The following DNMT3A variants were observed in gnomAD, a reference collection of about 807,000 sequenced individuals.
DNMT3A encodes DNA methyltransferase 3 alpha, also known as DNA (cytosine-5)-methyltransferase 3A.
Under a neutral mutation model 117.6 loss-of-function variants are expected in DNMT3A, and 267 were observed. That is an observed-to-expected ratio of 2.27 (90% confidence interval 2.05 to 2.51). The LOEUF (loss-of-function observed/expected upper bound fraction) is 2.51. Among genes scored for constraint, DNMT3A ranks in the 30% most tolerant of loss-of-function variants. The probability of loss-of-function intolerance (pLI) is 0.00; values close to 1 mark genes in which losing one functional copy is unlikely to be tolerated. For missense variants in DNMT3A, 1,029 were observed against 1,260.2 expected, an observed-to-expected ratio of 0.82 and a Z score of 2.78; for synonymous variants, 432 against 474.8, an observed-to-expected ratio of 0.91 and a Z score of 1.17.
At chr2:25,326,101 GATAT>G (rs1171930581) in intron 1 of DNMT3A, among the ~76,000 whole-genome samples, 21 of 110,314 alleles carry the variant, frequency 1.9e-4, no homozygotes, top group African/African-American at 8.0e-4. Flanking sequence ...CTATTAACTT[GATAT>G]ATATGTGTGT....
intron 6 of DNMT3A, among the ~76,000 whole-genome samples, chr2:25,256,603 A>T (rs2149336087): frequency 6.6e-6 from 1 of 152,322 alleles, no homozygotes; most frequent in South Asian, 2.1e-4. Flanking sequence ...GATGGCACTG[A>T]TTTTAAAACA....
Position 25,247,512 on chromosome 2 carries a change from C to A in DNMT3A, c.1014+79G>T. ...CCACTTCCATCACCCCAATTCCAGA[C>A]TGCCCCCAGCCAAAACCACAGGCCC... On this transcript the variant is annotated intron_variant, in intron 8 of 22. Transcript: ENST00000321117. The surrounding 1 kb of genome is among the most constrained non-coding windows in gnomAD (Gnocchi z 5.6). 1.3e-6 allele frequency: 2 copies of A among 1,566,286 alleles called. No individual in the cohort carries two copies. The highest frequency in any genetic ancestry group is 1.7e-6 in the Non-Finnish European group (2 of 1,154,000).
Position 25,339,081 on chromosome 2 carries a change from A to G in DNMT3A, c.-178+2745T>C, listed in dbSNP as rs761324814. On this transcript the variant is annotated intron_variant, in intron 1 of 22. Transcript: ENST00000321117. The surrounding 1 kb of genome is among the most constrained non-coding windows in gnomAD (Gnocchi z 4.9). ...CACTGCCTCTCCTTCCCAAGGCCCA[A>G]CTCGCTGGGCGCCCTGATCTCTCTC... Among the ~76,000 whole-genome samples the G allele has an allele frequency of 6.6e-6, 1 of 151,746 alleles. No individual in the cohort carries two copies. The highest frequency in any genetic ancestry group is 2.1e-4 in the South Asian group (1 of 4,802).
rs1009884955 is a variant in DNMT3A, at chr2:25,341,360, C to G, written c.-178+466G>C. On this transcript the variant is annotated intron_variant, in intron 1 of 22. Transcript: ENST00000321117. ...CCTTCTGGGTCGGGGTCCGCGCCCT[C>G]CGGCGCCCTGGCCGCGGGCTCCAGG... 1.5e-3 allele frequency among the ~76,000 whole-genome samples: 224 copies of G among 145,442 alleles called. 1 individual carries two copies. The highest frequency in any genetic ancestry group is 5.2e-3 in the African/African-American group (213 of 40,666).
rs895343194 is a variant in DNMT3A, at chr2:25,231,006, C to T, written c.*3273G>A. On this transcript the variant is annotated 3_prime_UTR_variant, in exon 23 of 23. Transcript: ENST00000321117. ...TCTCTTCCCAAGTCCCAACACCAACCCTTTGGTTGGAGCACCAGGCCCAGT... is the reference window on the plus strand; with the variant it reads ...TCTCTTCCCAAGTCCCAACACCAACTCTTTGGTTGGAGCACCAGGCCCAGT... 14 of 152,276 alleles carry T rather than the reference C, an allele frequency of 9.2e-5. No individual in the cohort carries two copies. The highest frequency in any genetic ancestry group is 3.1e-4 in the African/African-American group (13 of 41,466). 9.4% of individuals were successfully genotyped at this position (152,276 alleles called of 1,614,324 possible).
At chr2:25,243,678 A>G (rs906356782) in intron 16 of DNMT3A, among the ~76,000 whole-genome samples, 1 of 152,270 alleles carries the variant, frequency 6.6e-6, no homozygotes, top group African/African-American at 2.4e-5. Context: ...AGCGCCCAGC[A>G]GGCAGGCTGC....
At chr2:25,246,978 C>A in intron 9 of DNMT3A, 73 bp downstream of exon 9, 1 of 1,550,592 alleles carries the variant, frequency 6.4e-7, no homozygotes, top group Non-Finnish European at 8.8e-7. Flanking sequence ...TGCTCAAGCC[C>A]GACCTGCACT....
At chr2:25,245,669 T>TCAG (rs1355797751) in intron 12 of DNMT3A, among the ~76,000 whole-genome samples, 1 of 151,966 alleles carries the variant, frequency 6.6e-6, no homozygotes, top group East Asian at 1.9e-4. Context: ...AGGCCGAGGG[T>TCAG]CCTGAGCCAG....
chr2:25,326,118 G>GTGT (rs1442512433), intron 1 of DNMT3A, among the ~76,000 whole-genome samples: 1 of 140,780 alleles, frequency 7.1e-6, no homozygotes, highest in Non-Finnish European at 1.6e-5. Flanking sequence ...ATGTGTGTGT[G>GTGT]TGTGTGTGTG....
At chr2:25,315,480 C>G (rs1232537520) in intron 1 of DNMT3A, among the ~76,000 whole-genome samples, 1 of 152,178 alleles carries the variant, frequency 6.6e-6, no homozygotes, top group Non-Finnish European at 1.5e-5. Flanking sequence ...GCGTCCATTC[C>G]CCATACCCCT....
At chr2:25,248,673 G>A (rs944801055) in intron 6 of DNMT3A, among the ~76,000 whole-genome samples, 3 of 151,656 alleles carry the variant, frequency 2.0e-5, no homozygotes, top group Admixed American at 6.6e-5. Context: ...TCAGCCTCCC[G>A]AGTAGCTGGG....
chr2:25,242,579 G>A (rs932286014), intron 16 of DNMT3A, among the ~76,000 whole-genome samples: 1 of 152,212 alleles, frequency 6.6e-6, no homozygotes, highest in Non-Finnish European at 1.5e-5. Flanking sequence ...ATGGAGCTGA[G>A]AACAGAAGAC....
chr2:25,261,122 C>T (rs931413057), intron 6 of DNMT3A, among the ~76,000 whole-genome samples: 1 of 152,054 alleles, frequency 6.6e-6, no homozygotes, highest in Non-Finnish European at 1.5e-5. Context: ...GGTGAAAACC[C>T]ATCTCTACTA....
chr2:25,245,342 A>T lies in DNMT3A; in HGVS notation c.1475-10T>A. 6.2e-7 allele frequency: 1 copy of T among 1,613,328 alleles called. No homozygotes were observed. On this transcript the variant is annotated splice_polypyrimidine_tract_variant and intron_variant, in intron 12 of 22. Transcript: ENST00000321117. Reference sequence around the variant, plus strand: ...CAGGAGATGCAGATGTCTGGAAAGCAGAGGGAGGGGATGGGGTGAGTACCA... The same window carrying T: ...CAGGAGATGCAGATGTCTGGAAAGCTGAGGGAGGGGATGGGGTGAGTACCA...
chr2:25,248,378 C>G (rs935595917), intron 6 of DNMT3A, 126 bp from the exon 7 acceptor site: 1 of 1,013,234 alleles, frequency 9.9e-7, no homozygotes, highest in African/African-American at 1.7e-5. Flanking sequence ...CTGGAGAGAG[C>G]CAACCAGCTG....
At chr2:25,340,023 G>C (rs1241392084) in intron 1 of DNMT3A, among the ~76,000 whole-genome samples, 1 of 152,254 alleles carries the variant, frequency 6.6e-6, no homozygotes, top group Non-Finnish European at 1.5e-5. Context: ...CAGTCTCTGG[G>C]CACGGCAGTG....
chr2:25,340,657 C>G (rs1385000730), intron 1 of DNMT3A, among the ~76,000 whole-genome samples: 1 of 152,046 alleles, frequency 6.6e-6, no homozygotes, highest in African/African-American at 2.4e-5. Context: ...GCAGCCGCGG[C>G]GAGGCCTCGT....
At position 25,313,992 on chromosome 2, in the gene DNMT3A, C is replaced by T. The variant is rs1308758113; in HGVS notation, c.-8G>A. The T allele has an allele frequency of 1.3e-6, 2 of 1,540,552 alleles. No individual in the cohort carries two copies. The highest frequency in any genetic ancestry group is 2.4e-5 in the East Asian group (1 of 41,142). Reference sequence around the variant, plus strand: ...GGAGGGCATGGCGGGCATCTGGGCGCCGGGAGGCAGGCTGGGGCTGCGCGG... The same window carrying T: ...GGAGGGCATGGCGGGCATCTGGGCGTCGGGAGGCAGGCTGGGGCTGCGCGG... On this transcript the variant is annotated 5_prime_UTR_variant, in exon 2 of 23. Coordinates refer to ENST00000321117, the MANE Select transcript of DNMT3A (RefSeq NM_022552.5).
rs1038702855 is a variant in DNMT3A, at chr2:25,341,780, C to A, written c.-178+46G>T. 662 of 977,982 alleles carry A rather than the reference C, an allele frequency of 6.8e-4. 8 individuals are homozygous for A. The African/African-American group carries it at 0.011, about 16-fold the overall frequency. 60.6% of individuals were successfully genotyped at this position (977,982 alleles called of 1,614,324 possible). A position where few individuals can be genotyped will look rare whatever the true frequency, so the allele number is the denominator to read the frequency against. ...CCCGCCCGGCTCCCCGGCTCCCCGC[C>A]GCCTCCGGGCCGGCCTTCCGGGCCG... On this transcript the variant is annotated intron_variant, in intron 1 of 22. Transcript: ENST00000321117.
Sources: allele counts gnomAD v4.1 joint callset (sites outside exome capture counted in the v4.1 genomes callset), GRCh38; gene constraint gnomAD v4.1.1; non-coding constraint Gnocchi (gnomAD v3.1); transcripts MANE v1.5; gene names NCBI Gene and HGNC (gene_info 2026-07-23, HGNC 2026-07-21).